FAF1: variants seen among roughly 807,000 people sequenced by gnomAD.
FAF1 encodes FAS-associated factor 1.
FAF1 carries 25 observed loss-of-function variants against 92.5 expected under a neutral mutation model. That is an observed-to-expected ratio of 0.27 (90% CI 0.20 to 0.38). FAF1 has a LOEUF of 0.38. Ranked by LOEUF, FAF1 falls within the 10% of genes least tolerant of loss-of-function variation. The probability of loss-of-function intolerance (pLI) is 1.00; values close to 1 mark genes in which losing one functional copy is unlikely to be tolerated. For synonymous variants in FAF1, 234 were observed against 273.2 expected (o/e 0.86, Z 1.42); for missense variants, 636 against 793.3 (o/e 0.80, Z 2.38).
At chr1:50,460,808 ATGTG>A (rs61176999) in intron 18 of FAF1, among the ~76,000 whole-genome samples, 3,998 of 146,978 alleles carry the variant, frequency 0.027, 153 homozygotes, top group African/African-American at 0.091. Flanking sequence ...GTATTTGTAT[ATGTG>A]TGTGTGTGTG....
At position 50,591,337 on chromosome 1, in the gene FAF1, A is replaced by C. The variant is rs144165484; in HGVS notation, c.840+4784T>G. 2.6e-4 allele frequency among the ~76,000 whole-genome samples: 40 copies of C among 152,210 alleles called. No individual in the cohort carries two copies. The East Asian group carries it at 7.4e-3, about 28-fold the overall frequency. ...TGTGCACAGCAGAGCGCTCTTCACT[A>C]AACTGTGTATTTGTGGGGAGATATC... On this transcript the variant is annotated intron_variant, in intron 9 of 18. Coordinates refer to ENST00000396153, the MANE Select transcript of FAF1 (RefSeq NM_007051.3).
At chr1:50,454,873 T>C (rs1646333814) in intron 18 of FAF1, among the ~76,000 whole-genome samples, 1 of 152,222 alleles carries the variant, frequency 6.6e-6, no homozygotes, top group Non-Finnish European at 1.5e-5. Context: ...GAGATTTTAC[T>C]GGCTACCTAT....
intron 1 of FAF1, among the ~76,000 whole-genome samples, chr1:50,892,485 C>T (rs1644728113): frequency 6.6e-6 from 1 of 152,220 alleles, no homozygotes; most frequent in Non-Finnish European, 1.5e-5. Context: ...CATCTTGGAA[C>T]CGCCTCCCTT....
At chr1:50,865,185 A>G (rs1644469792) in intron 1 of FAF1, among the ~76,000 whole-genome samples, 1 of 152,118 alleles carries the variant, frequency 6.6e-6, no homozygotes, top group Admixed American at 6.5e-5. Context: ...AAGTCAGGAA[A>G]CGACAGGTGC....
chr1:50,827,972 C>A (rs937322350), intron 2 of FAF1, among the ~76,000 whole-genome samples: 2 of 152,042 alleles, frequency 1.3e-5, no homozygotes, highest in Non-Finnish European at 2.9e-5. Flanking sequence ...AATTACAATC[C>A]TGGAATATTT....
intron 1 of FAF1, among the ~76,000 whole-genome samples, chr1:50,874,598 A>G (rs1251052384): frequency 1.3e-5 from 2 of 151,946 alleles, no homozygotes; most frequent in African/African-American, 4.8e-5. Flanking sequence ...GTCTCATACA[A>G]TCCACCTGCC....
At chr1:50,873,317 C>G (rs1206539622) in intron 1 of FAF1, among the ~76,000 whole-genome samples, 1 of 152,160 alleles carries the variant, frequency 6.6e-6, no homozygotes, top group Non-Finnish European at 1.5e-5. Context: ...GGGAACTGAG[C>G]CTAAAATAGT....
At position 50,855,469 on chromosome 1, in the gene FAF1, A is replaced by C. The variant is rs183124330; in HGVS notation, c.114+2460T>G. ...TGTGCAGGAAATATAAAATACAGAC[A>C]TATCCGAGGTTACAACTCAATTAAT... On this transcript the variant is annotated intron_variant, in intron 2 of 18. Transcript: ENST00000396153. Among the ~76,000 whole-genome samples the C allele has an allele frequency of 6.6e-5, 10 of 151,974 alleles. No homozygotes were observed. In the East Asian group the frequency reaches 1.9e-3, roughly 29 times the overall value.
intron 7 of FAF1, among the ~76,000 whole-genome samples, chr1:50,682,374 G>A (rs577572398): frequency 6.6e-6 from 1 of 152,026 alleles, no homozygotes; most frequent in Non-Finnish European, 1.5e-5. Context: ...GTGGTAGCAC[G>A]CACCTGCAGT....
intron 12 of FAF1, among the ~76,000 whole-genome samples, chr1:50,573,920 G>T (rs573633178): frequency 6.6e-6 from 1 of 152,194 alleles, no homozygotes; most frequent in African/African-American, 2.4e-5. Context: ...CTGAGGTCAG[G>T]AGTTCAAGAC....
chr1:50,675,194 C>T (rs1205030368), intron 7 of FAF1, among the ~76,000 whole-genome samples: 1 of 152,106 alleles, frequency 6.6e-6, no homozygotes, highest in East Asian at 1.9e-4. Flanking sequence ...CCAGCCAGAC[C>T]TTGTACATTT....
At chr1:50,917,933 A>T (rs1008266009) in intron 1 of FAF1, among the ~76,000 whole-genome samples, 1 of 152,172 alleles carries the variant, frequency 6.6e-6, no homozygotes, top group Non-Finnish European at 1.5e-5. Context: ...CTTCATTTAC[A>T]TGAAGTCCAA....
At chr1:50,612,264 T>A in intron 8 of FAF1, 1 of 734,238 alleles carries the variant, frequency 1.4e-6, no homozygotes, top group Non-Finnish European at 1.9e-6. Context: ...TTTGCCTTAT[T>A]CTACAATCAC....
At chr1:50,857,445 C>A (rs1644398673) in intron 2 of FAF1, among the ~76,000 whole-genome samples, 1 of 151,654 alleles carries the variant, frequency 6.6e-6, no homozygotes, top group Admixed American at 6.6e-5. Flanking sequence ...CTATGCTGTG[C>A]CTCGCCTTTT....
chr1:50,607,389 G>C (rs920532634), intron 8 of FAF1, among the ~76,000 whole-genome samples: 1 of 152,118 alleles, frequency 6.6e-6, no homozygotes, highest in Non-Finnish European at 1.5e-5. Context: ...AATTGGACTA[G>C]ATGATTCTCA....
At chr1:50,649,970 G>A (rs1395324648) in intron 8 of FAF1, among the ~76,000 whole-genome samples, 1 of 150,676 alleles carries the variant, frequency 6.6e-6, no homozygotes, top group Admixed American at 6.6e-5. Context: ...CCGTCAAAGA[G>A]AGAGAGAGAG....
chr1:50,690,723 A>C (rs1168878958), intron 7 of FAF1, among the ~76,000 whole-genome samples: 3 of 152,240 alleles, frequency 2.0e-5, no homozygotes, highest in Non-Finnish European at 4.4e-5. Flanking sequence ...AAAAACAAAA[A>C]CAACAAAAAT....
chr1:50,939,193 A>G (rs1645110526), intron 1 of FAF1, among the ~76,000 whole-genome samples: 2 of 152,242 alleles, frequency 1.3e-5, no homozygotes, highest in South Asian at 2.1e-4. Context: ...CTTCCAATGC[A>G]TAAGCATGAA....
intron 4 of FAF1, among the ~76,000 whole-genome samples, chr1:50,768,004 A>C (rs2124540841): frequency 6.6e-6 from 1 of 152,350 alleles, no homozygotes; most frequent in East Asian, 1.9e-4. Flanking sequence ...CAGAGTGGCA[A>C]GTTAGATACA....
Sources: allele counts gnomAD v4.1 joint callset (sites outside exome capture counted in the v4.1 genomes callset), GRCh38; gene constraint gnomAD v4.1.1; transcripts MANE v1.5; gene names NCBI Gene and HGNC (gene_info 2026-07-23, HGNC 2026-07-21).